Variants in BNC1 observed in about 807,000 individuals in gnomAD.
The protein encoded by BNC1 is zinc finger protein basonuclin-1.
BNC1 carries 8 observed loss-of-function variants against 66.5 expected under a neutral mutation model. The observed-to-expected ratio is 0.12, with a 90% confidence interval of 0.07 to 0.22. BNC1 has a LOEUF of 0.22. BNC1 is among the 10% of genes least tolerant of loss of function. The pLI is 1.00. For synonymous variants in BNC1, 454 were observed against 452.6 expected (o/e 1.00, Z -0.04); for missense variants, 1,069 against 1,241.3 (o/e 0.86, Z 2.09).
intron 1 of BNC1, among the ~76,000 whole-genome samples, 190 bp downstream of exon 1, chr15:83,284,340 C>G (rs1215500971): frequency 6.6e-6 from 1 of 151,822 alleles, no homozygotes; most frequent in Non-Finnish European, 1.5e-5. Context: ...CCAACCCCCC[C>G]GCCGCCGCCT....
chr15:83,270,486 T>A (rs1310221614), intron 1 of BNC1, among the ~76,000 whole-genome samples: 1 of 152,210 alleles, frequency 6.6e-6, no homozygotes, highest in Admixed American at 6.5e-5. Flanking sequence ...CACATCCTCA[T>A]CAACACTTGT....
chr15:83,256,497 A>C lies in BNC1; in HGVS notation c.*945T>G, dbSNP rs951930021. 3 of 152,596 alleles carry C rather than the reference A, an allele frequency of 2.0e-5. No individual in the cohort carries two copies. The highest frequency in any genetic ancestry group is 4.4e-5 in the Non-Finnish European group (3 of 68,040). The allele number at this position is 152,596 out of a possible 1,614,324, so 9.5% of individuals were successfully genotyped here. On this transcript the variant is annotated 3_prime_UTR_variant, in exon 5 of 5. Coordinates refer to ENST00000345382, the MANE Select transcript of BNC1 (RefSeq NM_001717.4). ...TCCAGTGATACTGAAAATACACAAC[A>C]ACCATCAGAACCACATTATCTACGG...
chr15:83,276,627 C>G (rs962084353), intron 1 of BNC1, among the ~76,000 whole-genome samples: 2 of 152,188 alleles, frequency 1.3e-5, no homozygotes, highest in African/African-American at 4.8e-5. Context: ...GAAAACTCCT[C>G]ATAAATAGCA....
intron 1 of BNC1, among the ~76,000 whole-genome samples, chr15:83,276,282 T>C (rs2038322753): frequency 6.6e-6 from 1 of 152,164 alleles, no homozygotes. Context: ...CTACCAAAAA[T>C]ATCTAAGGTA....
chr15:83,283,575 G>A (rs1404810598), intron 1 of BNC1: 1 of 924,160 alleles, frequency 1.1e-6, no homozygotes, highest in East Asian at 1.2e-4. Context: ...CGCTTCCCAT[G>A]CAAACCCCTG....
chr15:83,258,287 T>C (rs748839032), intron 4 of BNC1, among the ~76,000 whole-genome samples, 161 bp from the exon 5 acceptor site: 2 of 152,236 alleles, frequency 1.3e-5, no homozygotes, highest in African/African-American at 2.4e-5. Flanking sequence ...GTCTGGTGGA[T>C]ACAGACCCAC....
chr15:83,266,185 G>A (rs1009368091), intron 3 of BNC1, among the ~76,000 whole-genome samples: 1 of 146,550 alleles, frequency 6.8e-6, no homozygotes, highest in Non-Finnish European at 1.5e-5. Context: ...AGAGGACAGA[G>A]AGGATGAAGG....
rs776803527 is a variant in BNC1 at position 83,263,932 on chromosome 15, C to G, written c.1319G>C (p.Cys440Ser). Reference sequence around the variant, plus strand: ...TGGGGACGTCACTGTGAAACCTGGGCACTTGTAGTTCTCAGAGCTGGCCAG... The same window carrying G: ...TGGGGACGTCACTGTGAAACCTGGGGACTTGTAGTTCTCAGAGCTGGCCAG... ...LNLASSENYKCPGFTVTSPDC... is the reference protein window; with the variant it reads ...LNLASSENYKSPGFTVTSPDC... Residue 440 changes from cysteine to serine, a missense_variant, in exon 4 of 5, where the codon TGC becomes TCC. This residue lies in a region of BNC1 where 657 missense variants were observed against 715.8 expected (regional missense o/e 0.92). Transcript: ENST00000345382. 1.2e-6 allele frequency: 2 copies of G among 1,614,214 alleles called. No individual in the cohort carries two copies. Among genetic ancestry groups the G allele is most frequent in the East Asian group, 4.5e-5 (2 of 44,874 alleles).
Position 83,264,057 on chromosome 15 carries a change from G to A in BNC1, c.1194C>T (p.Ser398=), listed in dbSNP as rs1440084450. 6.2e-7 allele frequency: 1 copy of A among 1,614,176 alleles called. No homozygotes were observed. The highest frequency in any genetic ancestry group is 1.7e-5 in the Admixed American group (1 of 60,018). The change falls in exon 4 of 5, where the codon TCC becomes TCT. Residue 398 remains serine (S), a synonymous_variant. Coordinates refer to ENST00000345382, the MANE Select transcript of BNC1 (RefSeq NM_001717.4). ...TIEGCNMVFS[S]LRSRNRHSAN... Reference sequence around the variant, plus strand: ...CGCTATGGCGATTCCGGCTCCTTAGGGAGCTGAACACCATGTTACACCCTT... The same window carrying A: ...CGCTATGGCGATTCCGGCTCCTTAGAGAGCTGAACACCATGTTACACCCTT...
chr15:83,258,226 G>T, intron 4 of BNC1, 100 bp from the exon 5 acceptor site: 1 of 1,249,064 alleles, frequency 8.0e-7, no homozygotes, highest in Non-Finnish European at 1.1e-6. Context: ...AAAACATGTG[G>T]TATGGGAGCA....
At position 83,257,398 on chromosome 15, in the gene BNC1, A is replaced by C. The variant is rs755236554; in HGVS notation, c.*44T>G. On this transcript the variant is annotated 3_prime_UTR_variant, in exon 5 of 5. Coordinates refer to ENST00000345382, the MANE Select transcript of BNC1 (RefSeq NM_001717.4). The stretch of plus-strand genomic sequence containing the variant: ...TTTCTATGGACTACTTTATTCCTGA[A>C]TTATGAAAAAAGCTTATCTGAGCAT... 3 of 1,536,778 alleles carry C rather than the reference A, an allele frequency of 2.0e-6. No individual in the cohort carries two copies. Among genetic ancestry groups the C allele is most frequent in the Non-Finnish European group, 2.6e-6 (3 of 1,133,198 alleles).
In BNC1 at chr15:83,263,565, G is replaced by A; in HGVS notation, c.1686C>T (p.Ser562=). The A allele has an allele frequency of 6.2e-7, 1 of 1,614,238 alleles. No homozygotes were observed. Among genetic ancestry groups the A allele is most frequent in the South Asian group, 1.1e-5 (1 of 91,088 alleles). ...EIANEKRHNL[S]SDEDMPLQVV... ...CCTGTAGGGGCATGTCTTCATCTGAGCTGAGGTTGTGTCTTTTCTCATTAG... is the reference window on the plus strand; with the variant it reads ...CCTGTAGGGGCATGTCTTCATCTGAACTGAGGTTGTGTCTTTTCTCATTAG... Residue 562 remains serine (S), a synonymous_variant, in exon 4 of 5, where the codon AGC becomes AGT. Coordinates refer to ENST00000345382, the MANE Select transcript of BNC1 (RefSeq NM_001717.4).
At chr15:83,276,127 A>G (rs1270338462) in intron 1 of BNC1, among the ~76,000 whole-genome samples, 1 of 152,202 alleles carries the variant, frequency 6.6e-6, no homozygotes, top group Non-Finnish European at 1.5e-5. Context: ...TGCCTACCTC[A>G]GAGGCCTGTT....
rs1349031168 is a variant in BNC1, at chr15:83,264,380, T to G, written c.871A>C (p.Thr291Pro). Reference sequence around the variant, plus strand: ...ACCTGAAATGGTGTGGAACTGGAAGTTAAGAAGCTGCTGTCAGGGAAGGGC... The same window carrying G: ...ACCTGAAATGGTGTGGAACTGGAAGGTAAGAAGCTGCTGTCAGGGAAGGGC... Reference protein sequence around the residue: ...HGPFPDSSFLTSSSTPFQVEK... With the variant: ...HGPFPDSSFLPSSSTPFQVEK... The change falls in exon 4 of 5, where the codon ACT becomes CCT. Residue 291 changes from threonine (T) to proline (P), a missense_variant. Physicochemically the swap from Thr to Pro is conservative, Grantham distance 38. Transcript: ENST00000345382. The G allele has an allele frequency of 6.2e-7, 1 of 1,614,028 alleles. No individual in the cohort carries two copies. The highest frequency in any genetic ancestry group is 8.5e-7 in the Non-Finnish European group (1 of 1,180,018).
intron 2 of BNC1, 123 bp downstream of exon 2, chr15:83,268,010 T>G: frequency 1.3e-6 from 1 of 752,064 alleles, no homozygotes; most frequent in Non-Finnish European, 2.2e-6. Context: ...ACCTGGGACA[T>G]GCTAGTAACT....
At position 83,264,902 on chromosome 15, in the gene BNC1, T is replaced by C. The variant is rs2038199434; in HGVS notation, c.436-87A>G. 5.1e-6 allele frequency: 7 copies of C among 1,364,314 alleles called. No homozygotes were observed. In the South Asian group the frequency reaches 9.7e-5, roughly 19 times the overall value. The allele number at this position is 1,364,314 out of a possible 1,614,324, so 84.5% of individuals were successfully genotyped here. On this transcript the variant is annotated intron_variant, in intron 3 of 4. Coordinates refer to ENST00000345382, the MANE Select transcript of BNC1 (RefSeq NM_001717.4). Reference sequence around the variant, plus strand: ...AAATGTAGTCCACTAGACTATGGGATACTTTTGTGCATATAGGAAAAAGAT... The same window carrying C: ...AAATGTAGTCCACTAGACTATGGGACACTTTTGTGCATATAGGAAAAAGAT...
chr15:83,269,669 G>A (rs1049059716), intron 1 of BNC1, among the ~76,000 whole-genome samples: 2 of 152,096 alleles, frequency 1.3e-5, no homozygotes, highest in Non-Finnish European at 2.9e-5. Flanking sequence ...CATTCTGGCA[G>A]TTCCTCAAAA....
chr15:83,271,519 C>T (rs891719904), intron 1 of BNC1, among the ~76,000 whole-genome samples: 3 of 152,186 alleles, frequency 2.0e-5, no homozygotes, highest in African/African-American at 7.2e-5. Context: ...ATACAAAAAA[C>T]TCCATGTGAT....
Position 83,264,386 on chromosome 15 carries a change from A to C in BNC1, c.865T>G (p.Phe289Val), listed in dbSNP as rs1817967839. ...AATGGTGTGGAACTGGAAGTTAAGA[A>C]GCTGCTGTCAGGGAAGGGCCCATGG... ...EVHGPFPDSS[F>V]LTSSSTPFQV... Residue 289 changes from phenylalanine (F) to valine (V), a missense_variant, in exon 4 of 5, where the codon TTC becomes GTC. This residue lies in a region of BNC1 where 181 missense variants were observed against 181.5 expected (regional missense o/e 1.00). Coordinates refer to ENST00000345382, the MANE Select transcript of BNC1 (RefSeq NM_001717.4). The C allele has an allele frequency of 6.2e-7, 1 of 1,614,040 alleles. No individual in the cohort carries two copies. Among genetic ancestry groups the C allele is most frequent in the African/African-American group, 1.3e-5 (1 of 74,918 alleles).
Sources: gnomAD v4.1 joint callset for allele counts (sites outside exome capture counted in the v4.1 genomes callset) on GRCh38, gnomAD v4.1.1 for gene constraint, gnomAD v4.1.1 regional missense constraint, MANE v1.5 for transcripts, NCBI Gene and HGNC (gene_info 2026-07-23, HGNC 2026-07-21) for gene names.